SLC4A4: variants seen among roughly 807,000 people sequenced by gnomAD.
SLC4A4 encodes the protein solute carrier family 4 member 4.
A neutral mutation model predicts 111.5 loss-of-function variants in SLC4A4; 27 were observed. That is an observed-to-expected ratio of 0.24 (90% CI 0.18 to 0.33). SLC4A4 has a LOEUF of 0.33. Among genes scored for constraint, SLC4A4 ranks in the 10% least tolerant of loss-of-function variants. The pLI is 1.00. For missense variants in SLC4A4, 909 were observed against 1,315.5 expected (o/e 0.69, Z 4.78); for synonymous variants, 443 against 463.4 (o/e 0.96, Z 0.57).
At chr4:71,365,568 A>T (rs946170075) in intron 6 of SLC4A4, among the ~76,000 whole-genome samples, 3 of 152,196 alleles carry the variant, frequency 2.0e-5, no homozygotes, top group African/African-American at 7.2e-5. Flanking sequence ...TCCAAGAATG[A>T]CTAAGCATGC....
chr4:71,310,186 A>G (rs1254280815), intron 3 of SLC4A4, among the ~76,000 whole-genome samples: 1 of 152,130 alleles, frequency 6.6e-6, no homozygotes, highest in Non-Finnish European at 1.5e-5. Flanking sequence ...GGACTCTGTG[A>G]AAAGACCAAA....
intron 7 of SLC4A4, among the ~76,000 whole-genome samples, chr4:71,436,072 G>A (rs1208179727): frequency 6.6e-6 from 1 of 152,178 alleles, no homozygotes; most frequent in Non-Finnish European, 1.5e-5. Flanking sequence ...ATACCCAAAA[G>A]ATTATAAATC....
chr4:71,267,857 G>A (rs1299350867), intron 3 of SLC4A4, among the ~76,000 whole-genome samples: 1 of 145,856 alleles, frequency 6.9e-6, no homozygotes, highest in Admixed American at 6.9e-5. Context: ...ATAATTATGT[G>A]TATTAAATGC....
At chr4:71,562,655 G>A (rs1474340289) in intron 23 of SLC4A4, among the ~76,000 whole-genome samples, 1 of 151,420 alleles carries the variant, frequency 6.6e-6, no homozygotes, top group East Asian at 2.0e-4. Flanking sequence ...CTTTGCATGT[G>A]AGATGGGTCT....
At chr4:71,211,585 G>T (rs1197942627) in intron 1 of SLC4A4, among the ~76,000 whole-genome samples, 1 of 152,134 alleles carries the variant, frequency 6.6e-6, no homozygotes, top group Non-Finnish European at 1.5e-5. Context: ...AAAAATGTGG[G>T]TATGTTTAAC....
intron 1 of SLC4A4, among the ~76,000 whole-genome samples, chr4:71,075,318 T>C (rs531341981): frequency 5.3e-5 from 8 of 152,332 alleles, no homozygotes; most frequent in African/African-American, 1.9e-4. Flanking sequence ...ATTTCTTTCT[T>C]ACCTTCCATT....
intron 1 of SLC4A4, among the ~76,000 whole-genome samples, chr4:71,210,605 C>G (rs1052411966): frequency 3.3e-5 from 5 of 152,168 alleles, no homozygotes; most frequent in African/African-American, 1.2e-4. Context: ...CCCACACTTA[C>G]CCCAAGGAAA....
At chr4:71,348,688 A>G (rs911353928) in intron 4 of SLC4A4, among the ~76,000 whole-genome samples, 1 of 152,120 alleles carries the variant, frequency 6.6e-6, no homozygotes, top group African/African-American at 2.4e-5. Context: ...TTAACATTCT[A>G]AATTTTCTTT....
At chr4:71,289,275 G>T (rs1182916153) in intron 3 of SLC4A4, among the ~76,000 whole-genome samples, 1 of 152,104 alleles carries the variant, frequency 6.6e-6, no homozygotes, top group African/African-American at 2.4e-5. Context: ...GAAGAAAATG[G>T]GATTCCCTTG....
chr4:71,182,226 C>T (rs571159543), intron 2 of SLC4A4, among the ~76,000 whole-genome samples: 2 of 152,260 alleles, frequency 1.3e-5, no homozygotes, highest in Non-Finnish European at 2.9e-5. Context: ...AACTGAGCAT[C>T]CTTTGGTTGG....
intron 2 of SLC4A4, among the ~76,000 whole-genome samples, chr4:71,107,809 G>A (rs982363258): frequency 2.6e-5 from 4 of 151,722 alleles, no homozygotes; most frequent in African/African-American, 9.7e-5. Context: ...CTGTGCTTAA[G>A]CAATCCTCCT....
rs576586429 is a variant in SLC4A4 at position 71,319,772 on chromosome 4, G to C, written c.254-19598G>C. On this transcript the variant is annotated intron_variant, in intron 3 of 25. Coordinates refer to ENST00000264485, the MANE Select transcript of SLC4A4 (RefSeq NM_001098484.3). ...CTTTAGTATTCTCTTCACTCTTCCT[G>C]TTGTTATTATATGTCAAAAAGTTGG... Among the ~76,000 whole-genome samples the C allele has an allele frequency of 1.3e-4, 20 of 152,022 alleles. 1 individual carries two copies. Among genetic ancestry groups the C allele is most frequent in the African/African-American group, 4.8e-4 (20 of 41,502 alleles).
chr4:71,156,390 C>T lies in SLC4A4; in HGVS notation c.-2+63598C>T, dbSNP rs79723195. 1.6e-4 allele frequency among the ~76,000 whole-genome samples: 24 copies of T among 152,196 alleles called. No individual in the cohort carries two copies. The East Asian group carries it at 3.5e-3, about 22-fold the overall frequency. Reference sequence around the variant, plus strand: ...CACAGTTATGTGCACACCTTAGGTACACATGTCATGCTTTTGATAAGTTCT... The same window carrying T: ...CACAGTTATGTGCACACCTTAGGTATACATGTCATGCTTTTGATAAGTTCT... On this transcript the variant is annotated intron_variant, in intron 2 of 26. Transcript: ENST00000649996.
At chr4:71,160,415 A>G (rs955741256) in intron 2 of SLC4A4, among the ~76,000 whole-genome samples, 1 of 151,946 alleles carries the variant, frequency 6.6e-6, no homozygotes, top group Non-Finnish European at 1.5e-5. Context: ...TGGGTACTTG[A>G]TAAAATTGTA....
Position 71,519,028 on chromosome 4 carries a change from G to T in SLC4A4, c.2167-13034G>T, listed in dbSNP as rs185799740. On this transcript the variant is annotated intron_variant, in intron 16 of 25. Transcript: ENST00000264485. ...ATGTGTTGCCTGAGGTTGAAGAAGG[G>T]GTAATGTGGAGAGTGTAAAACTGTC... is the stretch of plus-strand genomic sequence containing the variant. 2.3e-4 allele frequency among the ~76,000 whole-genome samples: 35 copies of T among 152,246 alleles called. 1 individual carries two copies. The highest frequency in any genetic ancestry group is 2.3e-3 in the South Asian group (11 of 4,824).
intron 1 of SLC4A4, among the ~76,000 whole-genome samples, chr4:71,084,549 C>G (rs1742094570): frequency 1.3e-5 from 2 of 152,012 alleles, no homozygotes; most frequent in South Asian, 4.2e-4. Context: ...TGCTATCCCT[C>G]CCCCCTGCCC....
At chr4:71,133,898 A>G (rs886956694) in intron 2 of SLC4A4, among the ~76,000 whole-genome samples, 1 of 152,116 alleles carries the variant, frequency 6.6e-6, no homozygotes, top group Non-Finnish European at 1.5e-5. Context: ...CTTGGTAGCT[A>G]TCAAATACCT....
At chr4:71,268,686 G>A (rs1722482522) in intron 3 of SLC4A4, among the ~76,000 whole-genome samples, 1 of 152,118 alleles carries the variant, frequency 6.6e-6, no homozygotes, top group Admixed American at 6.6e-5. Flanking sequence ...TCTCAGGAGG[G>A]CCTCAATGAC....
chr4:71,170,263 C>G (rs1251897893), intron 2 of SLC4A4, among the ~76,000 whole-genome samples: 2 of 152,212 alleles, frequency 1.3e-5, no homozygotes, highest in Non-Finnish European at 2.9e-5. Context: ...TTCCTGAAGA[C>G]AGTGGCCTTG....
Sources: gnomAD v4.1 joint callset for allele counts (sites outside exome capture counted in the v4.1 genomes callset) on GRCh38, gnomAD v4.1.1 for gene constraint, MANE v1.5 for transcripts, NCBI Gene and HGNC (gene_info 2026-07-23, HGNC 2026-07-21) for gene names.